HDAC9: variants seen among roughly 807,000 people sequenced by gnomAD.
The protein encoded by HDAC9 is MEF-2 interacting transcription repressor (MITR) protein.
Under a neutral mutation model 139.4 loss-of-function variants are expected in HDAC9, and 41 were observed. The ratio of observed to expected loss-of-function variants is 0.29; its 90% CI spans 0.23 to 0.38. The LOEUF (loss-of-function observed/expected upper bound fraction) is 0.38, where lower values mean the gene tolerates loss of function less well. HDAC9 is among the 10% of genes least tolerant of loss of function. The pLI is 1.00. For synonymous variants in HDAC9, 517 were observed against 476.2 expected, an observed-to-expected ratio of 1.09 and a Z score of -1.12; for missense variants, 1,147 against 1,297.0, an observed-to-expected ratio of 0.88 and a Z score of 1.78.
intron 17 of HDAC9, among the ~76,000 whole-genome samples, chr7:18,827,647 A>T (rs971499406): frequency 5.3e-5 from 8 of 152,132 alleles, no homozygotes; most frequent in Admixed American, 1.3e-4. Flanking sequence ...TTGTGTTGTT[A>T]TGCCATACCT....
intron 11 of HDAC9, among the ~76,000 whole-genome samples, chr7:18,648,926 AG>A: frequency 6.6e-6 from 1 of 152,304 alleles, no homozygotes; most frequent in South Asian, 2.1e-4. Context: ...TTTTATGATC[AG>A]GTATATATTT....
chr7:18,894,926 G>A (rs543557592), intron 22 of HDAC9, among the ~76,000 whole-genome samples: 2 of 152,054 alleles, frequency 1.3e-5, no homozygotes, highest in South Asian at 4.1e-4. Flanking sequence ...ATGCTGGCAG[G>A]TGATGGGTGT....
intron 16 of HDAC9, among the ~76,000 whole-genome samples, chr7:18,772,004 C>G (rs1366237547): frequency 1.3e-5 from 2 of 152,082 alleles, no homozygotes; most frequent in East Asian, 3.9e-4. Flanking sequence ...AACGAATGAG[C>G]AATGAGACAA....
intron 22 of HDAC9, among the ~76,000 whole-genome samples, chr7:18,924,631 C>G (rs1456103449): frequency 6.6e-6 from 1 of 152,078 alleles, no homozygotes; most frequent in African/African-American, 2.4e-5. Context: ...TTTAACAAAT[C>G]TGTGTAATTT....
intron 16 of HDAC9, among the ~76,000 whole-genome samples, chr7:18,788,857 G>A (rs1319150688): frequency 1.3e-5 from 2 of 151,610 alleles, no homozygotes; most frequent in African/African-American, 2.4e-5. Flanking sequence ...CTCACATGTC[G>A]CTTTCTGTGT....
intron 2 of HDAC9, among the ~76,000 whole-genome samples, chr7:18,218,751 A>G (rs1792485955): frequency 6.6e-6 from 1 of 152,154 alleles, no homozygotes; most frequent in Admixed American, 6.5e-5. Flanking sequence ...TGAGATTTTT[A>G]TATGTTTGCT....
intron 2 of HDAC9, among the ~76,000 whole-genome samples, chr7:18,221,239 G>A (rs1792682952): frequency 1.3e-5 from 2 of 151,842 alleles, no homozygotes; most frequent in South Asian, 2.1e-4. Context: ...CAGAGTAGCC[G>A]AGATTACAGG....
chr7:18,874,381 G>C (rs941645203), intron 21 of HDAC9, 97 bp from the exon 22 acceptor site: 1 of 620,782 alleles, frequency 1.6e-6, no homozygotes, highest in Non-Finnish European at 3.0e-6. Flanking sequence ...CTTTATTCTT[G>C]GGAGGTTCCT....
chr7:18,726,200 C>T (rs963670599), intron 12 of HDAC9, among the ~76,000 whole-genome samples: 1 of 152,152 alleles, frequency 6.6e-6, no homozygotes, highest in African/African-American at 2.4e-5. Context: ...ACATAATACG[C>T]AATGAGTACA....
intron 12 of HDAC9, among the ~76,000 whole-genome samples, chr7:18,702,184 A>C (rs577023274): frequency 2.6e-5 from 4 of 152,052 alleles, no homozygotes; most frequent in Admixed American, 2.6e-4. Context: ...CCATCTTTCT[A>C]TGGTTGTTTG....
chr7:18,523,363 G>A (rs1805702282), intron 2 of HDAC9, among the ~76,000 whole-genome samples: 2 of 152,206 alleles, frequency 1.3e-5, no homozygotes, highest in African/African-American at 4.8e-5. Flanking sequence ...AAGGAATAGG[G>A]AGAGAATAGT....
chr7:18,994,219 T>C (rs561671250), intron 25 of HDAC9, among the ~76,000 whole-genome samples: 3 of 152,180 alleles, frequency 2.0e-5, no homozygotes, highest in East Asian at 3.9e-4. Context: ...GAAAAGATTA[T>C]CCTGCTGCAG....
Position 18,685,823 on chromosome 7 carries a change from G to A in HDAC9, c.1731+19347G>A, listed in dbSNP as rs537249609. Among the ~76,000 whole-genome samples, 15 of 152,000 alleles carry A rather than the reference G, an allele frequency of 9.9e-5. No homozygotes were observed. In the South Asian group the frequency reaches 1.2e-3, roughly 13 times the overall value. ...GTCATAAAATATATGCAGAAATAGC[G>A]TGTGCCAGTATTTAAAGTTTAAACA... is the stretch of plus-strand genomic sequence containing the variant. On this transcript the variant is annotated intron_variant, in intron 12 of 25. Transcript: ENST00000686413.
At chr7:18,134,030 C>T (rs140779356) in intron 1 of HDAC9, among the ~76,000 whole-genome samples, 277 of 150,728 alleles carry the variant, frequency 1.8e-3, no homozygotes, top group African/African-American at 6.6e-3. Flanking sequence ...GCAAGGTCAA[C>T]ACAGTAAAAC....
rs374357710 is a variant in HDAC9, at chr7:18,993,904, CA to C, written c.3171-2111del. 6.6e-5 allele frequency among the ~76,000 whole-genome samples: 10 copies of C among 151,150 alleles called. No homozygotes were observed. The South Asian group carries it at 8.4e-4, about 13-fold the overall frequency. ...GTGGGCAGCTATAAGTGGTTTATTC[CA>C]AAAAAAAGAGGTCAATATAAAATGA... On this transcript the variant is annotated intron_variant, in intron 25 of 25. Transcript: ENST00000686413.
In HDAC9 at chr7:18,888,318, G is replaced by A. The variant is rs192499797; in HGVS notation, c.2803+13722G>A. Among the ~76,000 whole-genome samples, 882 of 152,274 alleles carry A rather than the reference G, an allele frequency of 5.8e-3. 60 individuals are homozygous for A. In the East Asian group the frequency reaches 0.14, roughly 24 times the overall value. Reference sequence around the variant, plus strand: ...CGGGCGCCTGTAGTCCCAGCTACTCGGGAGGCTGAGGCAGGAAAATGGCGT... The same window carrying A: ...CGGGCGCCTGTAGTCCCAGCTACTCAGGAGGCTGAGGCAGGAAAATGGCGT... On this transcript the variant is annotated intron_variant, in intron 22 of 25. Coordinates refer to ENST00000686413, the MANE Select transcript of HDAC9 (RefSeq NM_178425.4).
At chr7:18,851,023 C>T (rs539164037) in intron 21 of HDAC9, among the ~76,000 whole-genome samples, 1 of 152,306 alleles carries the variant, frequency 6.6e-6, no homozygotes, top group Non-Finnish European at 1.5e-5. Context: ...ATAGGGGACA[C>T]ATTTAGGCCA....
Position 18,874,470 on chromosome 7 carries a change from C to G in HDAC9, c.2685-8C>G. On this transcript the variant is annotated splice_polypyrimidine_tract_variant and splice_region_variant and intron_variant, in intron 21 of 25. Coordinates refer to ENST00000686413, the MANE Select transcript of HDAC9 (RefSeq NM_178425.4). The stretch of plus-strand genomic sequence containing the variant: ...CCACGTGTGACCGGTTGCATTTTTA[C>G]TGTGCAGGACCATCGTGAAGCCTGT... The G allele has an allele frequency of 6.4e-7, 1 of 1,560,328 alleles. No individual in the cohort carries two copies.
At chr7:18,385,789 G>A (rs917721111) in intron 1 of HDAC9, among the ~76,000 whole-genome samples, 11 of 151,744 alleles carry the variant, frequency 7.2e-5, no homozygotes, top group Non-Finnish European at 1.5e-4. Flanking sequence ...TTATAATATT[G>A]AGGTCATTAC....
Sources: allele counts gnomAD v4.1 joint callset (sites outside exome capture counted in the v4.1 genomes callset), GRCh38; gene constraint gnomAD v4.1.1; transcripts MANE v1.5; gene names NCBI Gene and HGNC (gene_info 2026-07-23, HGNC 2026-07-21).